The following OTOG variants were observed in gnomAD, a reference collection of about 807,000 sequenced individuals.
The protein encoded by OTOG is otogelin.
Under a neutral mutation model 313.8 loss-of-function variants are expected in OTOG, and 296 were observed. That is an observed-to-expected ratio of 0.94 (90% CI 0.86 to 1.04). The LOEUF is 1.04. Among genes scored for constraint, OTOG ranks in the 50% least tolerant of loss-of-function variants. The probability of loss-of-function intolerance (pLI) is 0.00; values close to 1 mark genes in which losing one functional copy is unlikely to be tolerated. For missense variants in OTOG, 3,948 were observed against 3,840.1 expected (o/e 1.03, Z -0.74); for synonymous variants, 1,533 against 1,554.9 (o/e 0.99, Z 0.33).
intron 32 of OTOG, among the ~76,000 whole-genome samples, 156 bp downstream of exon 32, chr11:17,602,533 C>A (rs535266943): frequency 2.0e-5 from 3 of 152,118 alleles, no homozygotes; most frequent in African/African-American, 7.2e-5. Flanking sequence ...TCTGGGTCAG[C>A]TTCTTCTCCT....
rs7130190 is a variant in OTOG, at chr11:17,558,628, A to T, written c.1087A>T (p.Thr363Ser). Reference sequence around the variant, plus strand: ...CCCTCTGCCCTTCACAGCCAGTTGTACCAGTGATCTCTGCCAGTGAGTAGG... The same window carrying T: ...CCCTCTGCCCTTCACAGCCAGTTGTTCCAGTGATCTCTGCCAGTGAGTAGG... ...VSPLPFTASC[T>S]SDLCQSMGDV... Residue 363 changes from threonine to serine, a missense_variant, in exon 10 of 56, where the codon ACC (threonine) becomes TCC (serine). Thr to Ser is a moderately conservative substitution (Grantham distance 58). Transcript: ENST00000399397. 228,774 of 1,549,744 alleles carry T rather than the reference A, an allele frequency of 0.15. 17,927 individuals are homozygous for T. Among genetic ancestry groups the T allele is most frequent in the Middle Eastern group, 0.19 (1,117 of 5,992 alleles).
chr11:17,593,247 T>C lies in OTOG; in HGVS notation c.3061T>C (p.Ser1021Pro), dbSNP rs761270087. ...VIVENVNCYSSGMICRKFISI... is the reference protein window; with the variant it reads ...VIVENVNCYSPGMICRKFISI... ...TGTAGAGAATGTGAACTGCTACAGCTCTGGCATGATCTGCAGGAAATTTAT... is the reference window on the plus strand; with the variant it reads ...TGTAGAGAATGTGAACTGCTACAGCCCTGGCATGATCTGCAGGAAATTTAT... The change falls in exon 26 of 56, where the codon TCT (serine) becomes CCT (proline). Residue 1021 changes from serine (S) to proline (P), a missense_variant. Transcript: ENST00000399397. 1 of 1,550,042 alleles carries C rather than the reference T, an allele frequency of 6.5e-7. No homozygotes were observed. Among genetic ancestry groups the C allele is most frequent in the South Asian group, 1.2e-5 (1 of 84,048 alleles).
At chr11:17,607,584 G>A (rs1188254200) in intron 33 of OTOG, among the ~76,000 whole-genome samples, 2 of 152,372 alleles carry the variant, frequency 1.3e-5, no homozygotes, top group Admixed American at 6.5e-5. Context: ...GTAAATCCGT[G>A]TGAGATATTT....
chr11:17,611,544 G>A (rs1565117720), intron 36 of OTOG, 121 bp downstream of exon 36: 2 of 1,122,498 alleles, frequency 1.8e-6, no homozygotes, highest in East Asian at 5.2e-5. Flanking sequence ...CCTGGTCCCT[G>A]AAAAATTCTT....
intron 40 of OTOG, 25 bp downstream of exon 40, chr11:17,629,341 G>A (rs1854060393): frequency 1.3e-6 from 2 of 1,535,116 alleles, no homozygotes; most frequent in Middle Eastern, 2.0e-4. Context: ...AGCTTGCGGG[G>A]AGGGGATGCT....
Position 17,632,266 on chromosome 11 carries a change from TG to T in OTOG, c.7072+41del, listed in dbSNP as rs377300677. On this transcript the variant is annotated intron_variant, in intron 42 of 55. Transcript: ENST00000399397. ...CAGGGGGACCCTCCATTGTGACTAT[TG>T]TTCCCATCCCCTGTTAAAGTGGGAA... 7.8e-4 allele frequency: 1,189 copies of T among 1,528,694 alleles called. 5 individuals are homozygous for T. In the African/African-American group the frequency reaches 0.015, roughly 19 times the overall value. The allele number at this position is 1,528,694 out of a possible 1,614,324, so 94.7% of individuals were successfully genotyped here.
At chr11:17,605,720 G>A in intron 32 of OTOG, 137 bp from the exon 33 acceptor site, 1 of 951,668 alleles carries the variant, frequency 1.1e-6, no homozygotes, top group Non-Finnish European at 1.5e-6. Flanking sequence ...GGGGGCTGGT[G>A]TAGGGGGCAG....
At chr11:17,593,414 A>G (rs1852999901) in intron 26 of OTOG, 87 bp downstream of exon 26, 8 of 1,481,912 alleles carry the variant, frequency 5.4e-6, no homozygotes, top group Non-Finnish European at 7.3e-6. Context: ...TGGCTTCCTT[A>G]CCATAGCAGT....
At chr11:17,581,667 G>T (rs531123021) in intron 23 of OTOG, among the ~76,000 whole-genome samples, 2 of 152,066 alleles carry the variant, frequency 1.3e-5, no homozygotes, top group Non-Finnish European at 2.9e-5. Context: ...TAAGTATACC[G>T]TGTGTTAGGC....
chr11:17,547,346 C>T lies in OTOG; in HGVS notation c.-27C>T. On this transcript the variant is annotated 5_prime_UTR_variant, in exon 1 of 56. The change creates a premature stop within an existing upstream ORF in the 5' untranslated region. Coordinates refer to ENST00000399397, the MANE Select transcript of OTOG (RefSeq NM_001292063.2). ...CACCTCGGGAGGCTGGCCCTGCGCT[C>T]AAGTCCTCCGGTCCCCTCGTGTCCC... 1 of 1,326,722 alleles carries T rather than the reference C, an allele frequency of 7.5e-7. No individual in the cohort carries two copies. 82.2% of individuals were successfully genotyped at this position (1,326,722 alleles called of 1,614,324 possible). A position where few individuals can be genotyped will look rare whatever the true frequency, so the allele number is the denominator to read the frequency against.
chr11:17,572,555 C>T (rs927311457), intron 18 of OTOG, among the ~76,000 whole-genome samples: 2 of 152,200 alleles, frequency 1.3e-5, no homozygotes, highest in Non-Finnish European at 2.9e-5. Context: ...GCTGCCCTGG[C>T]CTCCTTGTTC....
At chr11:17,639,872 ATGG>A (rs1447866323) in intron 49 of OTOG, among the ~76,000 whole-genome samples, 4 of 118,436 alleles carry the variant, frequency 3.4e-5, no homozygotes, top group Non-Finnish European at 6.9e-5. Flanking sequence ...TGCAATGGTG[ATGG>A]TGGTGGTGAT....
intron 38 of OTOG, among the ~76,000 whole-genome samples, chr11:17,613,257 T>G (rs868383763): frequency 7.8e-6 from 1 of 128,602 alleles, no homozygotes; most frequent in Non-Finnish European, 1.6e-5. Context: ...CTTTCTTTCT[T>G]TCTTTCTTTC....
intron 51 of OTOG, among the ~76,000 whole-genome samples, chr11:17,641,326 A>G (rs757790718): frequency 2.6e-5 from 4 of 152,256 alleles, no homozygotes; most frequent in African/African-American, 4.8e-5. Context: ...TGACAGACAC[A>G]GCACACATTT....
rs187756275 is a variant in OTOG, at chr11:17,638,539, C to T, written c.7884C>T (p.Tyr2628=). 323 of 1,550,410 alleles carry T rather than the reference C, an allele frequency of 2.1e-4. No individual in the cohort carries two copies. The highest frequency in any genetic ancestry group is 2.7e-4 in the Non-Finnish European group (310 of 1,146,890). The stretch of plus-strand genomic sequence containing the variant: ...GGAGCCCCGACCGCTGCTGCCCCTA[C>T]AAATCCTGTGGTGAGTCCGTGGTCA... ...EVWSPDRCCP[Y]KSCECDCDTI... Residue 2628 remains tyrosine (Y), a synonymous_variant, in exon 48 of 56, where the codon TAC becomes TAT. Transcript: ENST00000399397.
chr11:17,608,471 C>T (rs1263168506), intron 34 of OTOG, 58 bp downstream of exon 34: 1 of 1,114,984 alleles, frequency 9.0e-7, no homozygotes, highest in African/African-American at 1.6e-5. Context: ...TGTGTGTGTG[C>T]ACTCACATAC....
rs758489218 is a variant in OTOG, at chr11:17,611,113, C to T, written c.5813C>T (p.Thr1938Met). 3.4e-5 allele frequency: 52 copies of T among 1,550,436 alleles called. No homozygotes were observed. Among genetic ancestry groups the T allele is most frequent in the Admixed American group, 1.8e-4 (9 of 50,986 alleles). Residue 1938 changes from threonine (T) to methionine (M), a missense_variant, in exon 36 of 56, where the codon ACG becomes ATG. Physicochemically the swap from Thr to Met is moderately conservative, Grantham distance 81 (BLOSUM62 -1). Coordinates refer to ENST00000399397, the MANE Select transcript of OTOG (RefSeq NM_001292063.2). ...EGGPTELTPA[T>M]SHPLTPLVAE... ...GGGCCCACAGAGCTCACGCCTGCTA[C>T]GAGCCACCCTCTCACGCCCTTGGTG...
At chr11:17,629,974 TAC>T (rs5789996) in intron 40 of OTOG, among the ~76,000 whole-genome samples, 21 of 150,318 alleles carry the variant, frequency 1.4e-4, no homozygotes, top group South Asian at 8.5e-4. Context: ...TAAAAACACT[TAC>T]ACACACACAC....
At chr11:17,572,970 T>A (rs959998148) in intron 18 of OTOG, 108 bp from the exon 19 acceptor site, 1 of 1,062,294 alleles carries the variant, frequency 9.4e-7, no homozygotes, top group Non-Finnish European at 1.3e-6. Flanking sequence ...CCGTACAGCG[T>A]GTGCACACAC....
Sources: gnomAD v4.1 joint callset for allele counts (sites outside exome capture counted in the v4.1 genomes callset) on GRCh38, gnomAD v4.1.1 for gene constraint, MANE v1.5 for transcripts, NCBI Gene and HGNC (gene_info 2026-07-23, HGNC 2026-07-21) for gene names.